The following CPA6 variants were observed in gnomAD, a reference collection of about 807,000 sequenced individuals.
CPA6 encodes carboxypeptidase B.
In CPA6, 58 loss-of-function variants were observed where a neutral mutation model predicts 63.3. The observed-to-expected ratio is 0.92, with a 90% CI of 0.74 to 1.14. The LOEUF is 1.14. CPA6 is among the 50% of genes most tolerant of loss of function. CPA6 has a pLI of 0.00. For synonymous variants in CPA6, 185 were observed against 179.0 expected (o/e 1.03, Z -0.27); for missense variants, 565 against 526.6 (o/e 1.07, Z -0.71).
rs145671767 is a variant in CPA6, at chr8:67,465,270, A to G, written c.838+18498T>C. 3.3e-3 allele frequency among the ~76,000 whole-genome samples: 500 copies of G among 151,980 alleles called. 7 individuals are homozygous for G. Among genetic ancestry groups the G allele is most frequent in the African/African-American group, 0.011 (460 of 41,446 alleles). ...GTTTTATTTTATTTTGTCTATTGTAAATGGAATTGCTTGATTTGGCTCTCA... is the reference window on the plus strand; with the variant it reads ...GTTTTATTTTATTTTGTCTATTGTAGATGGAATTGCTTGATTTGGCTCTCA... On this transcript the variant is annotated intron_variant, in intron 8 of 10. Transcript: ENST00000297770.
chr8:67,542,375 A>G (rs1812725206), intron 2 of CPA6, among the ~76,000 whole-genome samples: 1 of 152,226 alleles, frequency 6.6e-6, no homozygotes, highest in South Asian at 2.1e-4. Flanking sequence ...CCAGCTACTC[A>G]GTTTCAGTGG....
At chr8:67,600,844 G>A (rs1458144676) in intron 2 of CPA6, among the ~76,000 whole-genome samples, 1 of 152,102 alleles carries the variant, frequency 6.6e-6, no homozygotes, top group Non-Finnish European at 1.5e-5. Flanking sequence ...AGGTTCACAA[G>A]AGAAGGTTAT....
chr8:67,660,496 ATTTTTT>A (rs5892089), intron 1 of CPA6, among the ~76,000 whole-genome samples: 10 of 78,940 alleles, frequency 1.3e-4, no homozygotes, highest in African/African-American at 3.0e-4. Flanking sequence ...TGCCCGGCTC[ATTTTTT>A]TTTTTTTTTT....
rs1815736476 is a variant in CPA6, at chr8:67,647,394, T to TA, written c.117-23144_117-23143insT. ...CCTCACTATGTTGCCCAGGCTGGCC[T>TA]TGAACTTCTGGATTCAAGCAATTCT... On this transcript the variant is annotated intron_variant, in intron 1 of 10. Coordinates refer to ENST00000297770, the MANE Select transcript of CPA6 (RefSeq NM_020361.5). 3.3e-5 allele frequency among the ~76,000 whole-genome samples: 5 copies of TA among 152,158 alleles called. No individual in the cohort carries two copies. The South Asian group carries it at 1.0e-3, about 32-fold the overall frequency.
intron 1 of CPA6, among the ~76,000 whole-genome samples, chr8:67,662,180 G>T (rs565269992): frequency 3.3e-5 from 5 of 152,176 alleles, no homozygotes; most frequent in African/African-American, 1.2e-4. Flanking sequence ...GTTAGAGAGA[G>T]TAGCATGTAA....
At chr8:67,502,610 C>T (rs979605170) in intron 6 of CPA6, among the ~76,000 whole-genome samples, 1 of 152,174 alleles carries the variant, frequency 6.6e-6, no homozygotes, top group African/African-American at 2.4e-5. Context: ...TAACATATAC[C>T]TTTAGTGCTA....
At chr8:67,672,419 C>G (rs1481043768) in intron 1 of CPA6, among the ~76,000 whole-genome samples, 2 of 152,024 alleles carry the variant, frequency 1.3e-5, no homozygotes, top group Non-Finnish European at 2.9e-5. Context: ...ATTTTTTCCC[C>G]TTGTTTCACT....
chr8:67,473,136 C>A (rs765428622), intron 8 of CPA6, among the ~76,000 whole-genome samples: 2 of 152,140 alleles, frequency 1.3e-5, no homozygotes, highest in Non-Finnish European at 1.5e-5. Flanking sequence ...GAAAATAGCT[C>A]TGAATAGGAA....
intron 3 of CPA6, among the ~76,000 whole-genome samples, chr8:67,516,878 C>A (rs191720529): frequency 1.3e-5 from 2 of 152,222 alleles, no homozygotes; most frequent in Admixed American, 6.5e-5. Context: ...CTCACTGTAA[C>A]CTCTGCCTCC....
chr8:67,673,381 T>TTATTATTATTATTA lies in CPA6; in HGVS notation c.117-49131_117-49130insTAATAATAATAATA, dbSNP rs368012210. ...ATTATTATTATTATTATTATTATTA[T>TTATTATTATTATTA]TTATTTATTTTTTTTTTTTTGAGAC... On this transcript the variant is annotated intron_variant, in intron 1 of 10. Coordinates refer to ENST00000297770, the MANE Select transcript of CPA6 (RefSeq NM_020361.5). Among the ~76,000 whole-genome samples the TTATTATTATTATTA allele has an allele frequency of 3.8e-3, 386 of 101,666 alleles. 1 individual carries two copies. The highest frequency in any genetic ancestry group is 7.2e-3 in the African/African-American group (208 of 29,026). 66.7% of individuals were successfully genotyped at this position (101,666 alleles called of 152,430 possible). A position where few individuals can be genotyped will look rare whatever the true frequency, so the allele number is the denominator to read the frequency against.
chr8:67,571,487 A>G (rs1429302048), intron 2 of CPA6, among the ~76,000 whole-genome samples: 2 of 152,238 alleles, frequency 1.3e-5, no homozygotes, highest in Admixed American at 1.3e-4. Context: ...AAGAAGATTG[A>G]AATCATATCA....
At chr8:67,444,297 T>C (rs985055429) in intron 8 of CPA6, among the ~76,000 whole-genome samples, 10 of 152,124 alleles carry the variant, frequency 6.6e-5, no homozygotes, top group Non-Finnish European at 7.3e-5. Context: ...CGACAGTAGT[T>C]GTTTTGAATG....
rs118128682 is a variant in CPA6, at chr8:67,498,988, A to C, written c.636+7799T>G. Among the ~76,000 whole-genome samples, 4 of 152,248 alleles carry C rather than the reference A, an allele frequency of 2.6e-5. No individual in the cohort carries two copies. The South Asian group carries it at 8.3e-4, about 31-fold the overall frequency. On this transcript the variant is annotated intron_variant, in intron 6 of 10. Coordinates refer to ENST00000297770, the MANE Select transcript of CPA6 (RefSeq NM_020361.5). ...TATATCTGGCATTTAAAAAATGTCA[A>C]CTAGGAACTATCAATTATTTGTTGA...
At chr8:67,632,996 T>TG (rs1160305270) in intron 1 of CPA6, among the ~76,000 whole-genome samples, 3 of 152,236 alleles carry the variant, frequency 2.0e-5, no homozygotes, top group Non-Finnish European at 4.4e-5. Flanking sequence ...TTTGACAATT[T>TG]GAGCCAATTT....
At chr8:67,713,132 T>C (rs1169792232) in intron 1 of CPA6, among the ~76,000 whole-genome samples, 1 of 133,976 alleles carries the variant, frequency 7.5e-6, no homozygotes, top group African/African-American at 2.8e-5. Flanking sequence ...TATATATATA[T>C]ATATATATTA....
At chr8:67,690,429 G>T (rs1816792979) in intron 1 of CPA6, among the ~76,000 whole-genome samples, 1 of 152,174 alleles carries the variant, frequency 6.6e-6, no homozygotes, top group Non-Finnish European at 1.5e-5. Flanking sequence ...TAAATTTGTT[G>T]AGAAATTTGG....
intron 8 of CPA6, among the ~76,000 whole-genome samples, chr8:67,475,640 A>G (rs1811155285): frequency 6.6e-6 from 1 of 152,154 alleles, no homozygotes. Context: ...AGTTTGCAGG[A>G]AAAGGGAGCA....
chr8:67,716,805 T>C (rs1817391587), intron 1 of CPA6, among the ~76,000 whole-genome samples: 1 of 152,226 alleles, frequency 6.6e-6, no homozygotes, highest in South Asian at 2.1e-4. Flanking sequence ...AGATTTATTT[T>C]CCTTTTGCAG....
chr8:67,458,325 G>T (rs1810724839), intron 8 of CPA6, among the ~76,000 whole-genome samples: 1 of 152,112 alleles, frequency 6.6e-6, no homozygotes, highest in Non-Finnish European at 1.5e-5. Flanking sequence ...CCCTCCCTGA[G>T]TAGCTGGAAT....
Sources: gnomAD v4.1 joint callset for allele counts (sites outside exome capture counted in the v4.1 genomes callset) on GRCh38, gnomAD v4.1.1 for gene constraint, MANE v1.5 for transcripts, NCBI Gene and HGNC (gene_info 2026-07-23, HGNC 2026-07-21) for gene names.